Variants in AKAP6 observed in about 807,000 individuals in gnomAD.
AKAP6 encodes the protein A-kinase anchoring protein 6, also known as A-kinase anchor protein 6.
Under a neutral mutation model 188.5 loss-of-function variants are expected in AKAP6, and 58 were observed. The ratio of observed to expected loss-of-function variants is 0.31; its 90% CI spans 0.25 to 0.38. The LOEUF is 0.38. AKAP6 is among the 10% of genes least tolerant of loss of function. The pLI, the probability that AKAP6 is intolerant of heterozygous loss-of-function variation, is 1.00. For synonymous variants in AKAP6, 989 were observed against 998.6 expected (o/e 0.99, Z 0.18); for missense variants, 2,710 against 2,740.0 (o/e 0.99, Z 0.24).
intron 2 of AKAP6, among the ~76,000 whole-genome samples, chr14:32,520,758 C>G (rs1203965201): frequency 1.3e-5 from 2 of 152,150 alleles, no homozygotes. Context: ...CGAATTCTAC[C>G]AGAGGTACAA....
chr14:32,466,240 G>T (rs147789852), intron 2 of AKAP6, among the ~76,000 whole-genome samples: 166 of 152,256 alleles, frequency 1.1e-3, no homozygotes, highest in Non-Finnish European at 2.1e-3. Context: ...ATACCCAAAG[G>T]ATTATAAATC....
chr14:32,557,129 G>C (rs1279522372), intron 4 of AKAP6, among the ~76,000 whole-genome samples: 2 of 152,094 alleles, frequency 1.3e-5, no homozygotes, highest in Non-Finnish European at 2.9e-5. Context: ...CTGTCATCCA[G>C]GCTGGAATGT....
intron 7 of AKAP6, among the ~76,000 whole-genome samples, chr14:32,615,494 T>C (rs1886535340): frequency 1.3e-5 from 2 of 151,908 alleles, no homozygotes; most frequent in African/African-American, 2.4e-5. Flanking sequence ...TAATGAAATA[T>C]TGTAATCTGT....
chr14:32,559,317 G>T (rs1225668644), intron 4 of AKAP6, among the ~76,000 whole-genome samples: 3 of 152,330 alleles, frequency 2.0e-5, no homozygotes, highest in African/African-American at 7.2e-5. Context: ...CCACTACTCA[G>T]CTCCAGCTGA....
intron 2 of AKAP6, among the ~76,000 whole-genome samples, chr14:32,447,816 A>T (rs867645292): frequency 1.3e-5 from 2 of 152,182 alleles, no homozygotes; most frequent in African/African-American, 2.4e-5. Context: ...AAATGAGAGG[A>T]TGTGCTCACT....
At chr14:32,612,854 G>A (rs1056349607) in intron 7 of AKAP6, among the ~76,000 whole-genome samples, 4 of 152,122 alleles carry the variant, frequency 2.6e-5, no homozygotes, top group Admixed American at 2.6e-4. Context: ...GAAATTTGTA[G>A]TCTTTGCTCC....
intron 3 of AKAP6, among the ~76,000 whole-genome samples, chr14:32,536,464 G>T (rs978729218): frequency 3.3e-5 from 5 of 152,182 alleles, no homozygotes; most frequent in African/African-American, 1.2e-4. Flanking sequence ...CAGGAGGCGG[G>T]ATTTGGGCTA....
intron 7 of AKAP6, among the ~76,000 whole-genome samples, chr14:32,608,259 C>A (rs987524317): frequency 2.0e-5 from 3 of 152,092 alleles, no homozygotes; most frequent in Non-Finnish European, 4.4e-5. Context: ...GTAATCCCAG[C>A]ATTTTGGGAG....
At chr14:32,472,600 A>G (rs2138865597) in intron 2 of AKAP6, among the ~76,000 whole-genome samples, 1 of 152,306 alleles carries the variant, frequency 6.6e-6, no homozygotes, top group South Asian at 2.1e-4. Flanking sequence ...AGAATGCATG[A>G]AAACATGGCA....
intron 1 of AKAP6, chr14:32,385,210 A>C (rs1310490607): frequency 6.6e-6 from 1 of 151,478 alleles, no homozygotes; most frequent in Admixed American, 6.6e-5. Flanking sequence ...TCCATTATGC[A>C]GATTGGAAGC....
chr14:32,647,576 A>G lies in AKAP6; in HGVS notation c.2731-30735A>G, dbSNP rs115742612. ...AGCTTTTAAGTGCAGCTGTCTAGCA[A>G]AAGCTTTGGCCAAAGTTTTCTTCTG... On this transcript the variant is annotated intron_variant, in intron 7 of 13. Coordinates refer to ENST00000280979, the MANE Select transcript of AKAP6 (RefSeq NM_004274.5). 3.1e-3 allele frequency among the ~76,000 whole-genome samples: 468 copies of G among 152,240 alleles called. 2 individuals are homozygous for G. Among genetic ancestry groups the G allele is most frequent in the African/African-American group, 0.011 (452 of 41,562 alleles).
intron 4 of AKAP6, among the ~76,000 whole-genome samples, chr14:32,547,727 C>T (rs1231195999): frequency 1.3e-5 from 2 of 152,150 alleles, no homozygotes; most frequent in South Asian, 2.1e-4. Context: ...ACCTGTGGTC[C>T]CAGCTACTCA....
intron 2 of AKAP6, among the ~76,000 whole-genome samples, chr14:32,490,776 A>G (rs1464021685): frequency 6.6e-6 from 1 of 152,218 alleles, no homozygotes; most frequent in Non-Finnish European, 1.5e-5. Context: ...CTCTATGAGA[A>G]TATTTATACT....
intron 2 of AKAP6, among the ~76,000 whole-genome samples, chr14:32,521,091 G>T (rs1215805065): frequency 6.6e-6 from 1 of 152,080 alleles, no homozygotes; most frequent in Non-Finnish European, 1.5e-5. Context: ...GAAACCACAT[G>T]ATTATCTCAA....
chr14:32,815,851 T>C (rs148995871), intron 12 of AKAP6, among the ~76,000 whole-genome samples: 186 of 152,308 alleles, frequency 1.2e-3, no homozygotes, highest in African/African-American at 4.3e-3. Flanking sequence ...ATAAGGCAGA[T>C]ACAATGTACT....
chr14:32,463,058 A>G (rs547883362), intron 2 of AKAP6, among the ~76,000 whole-genome samples: 1 of 152,194 alleles, frequency 6.6e-6, no homozygotes, highest in African/African-American at 2.4e-5. Flanking sequence ...TAACTATGCT[A>G]AACATATATG....
intron 7 of AKAP6, among the ~76,000 whole-genome samples, chr14:32,650,629 T>A (rs1207009242): frequency 1.3e-5 from 2 of 151,820 alleles, no homozygotes; most frequent in Non-Finnish European, 2.9e-5. Flanking sequence ...AAAATAAAAA[T>A]AAATGCTAAA....
At chr14:32,667,782 T>G (rs1368206212) in intron 7 of AKAP6, among the ~76,000 whole-genome samples, 1 of 152,144 alleles carries the variant, frequency 6.6e-6, no homozygotes, top group African/African-American at 2.4e-5. Context: ...AAATAAATTG[T>G]TATTATTAGT....
At chr14:32,426,378 GTC>G (rs1446778888) in intron 1 of AKAP6, among the ~76,000 whole-genome samples, 1 of 151,784 alleles carries the variant, frequency 6.6e-6, no homozygotes, top group Non-Finnish European at 1.5e-5. Flanking sequence ...AATATGAAGA[GTC>G]ACATATACAT....
Sources: allele counts gnomAD v4.1 joint callset (sites outside exome capture counted in the v4.1 genomes callset), GRCh38; gene constraint gnomAD v4.1.1; transcripts MANE v1.5; gene names NCBI Gene and HGNC (gene_info 2026-07-23, HGNC 2026-07-21).